The following CDC73 variants were observed in gnomAD, a reference collection of about 807,000 sequenced individuals.
CDC73 encodes the protein cell division cycle 73.
A neutral mutation model predicts 83.7 loss-of-function variants in CDC73; 21 were observed. The observed-to-expected ratio is 0.25, with a 90% CI of 0.18 to 0.36. The LOEUF (loss-of-function observed/expected upper bound fraction) is 0.36, where lower values mean the gene tolerates loss of function less well. Among genes scored for constraint, CDC73 ranks in the 10% least tolerant of loss-of-function variants. The pLI is 1.00. For synonymous variants in CDC73, 224 were observed against 212.9 expected (o/e 1.05, Z -0.45); for missense variants, 342 against 653.3 (o/e 0.52, Z 5.19).
chr1:193,188,628 CCCCTTTCT>C (rs1676864564), intron 10 of CDC73, among the ~76,000 whole-genome samples: 1 of 152,034 alleles, frequency 6.6e-6, no homozygotes. Context: ...ACATTCCCTA[CCCCTTTCT>C]CCAGGAAAGG....
At chr1:193,173,862 TGATAAATACCA>T (rs1367748231) in intron 10 of CDC73, among the ~76,000 whole-genome samples, 1 of 152,186 alleles carries the variant, frequency 6.6e-6, no homozygotes, top group Non-Finnish European at 1.5e-5. Context: ...GTGGCAAATT[TGATAAATACCA>T]GATTTTAGAA....
chr1:193,171,668 C>T (rs535767337), intron 10 of CDC73, among the ~76,000 whole-genome samples: 5 of 152,216 alleles, frequency 3.3e-5, no homozygotes, highest in Admixed American at 3.3e-4. Context: ...CTCCCTTCCT[C>T]TTAAGGGTCC....
At chr1:193,124,353 T>A (rs975717303) in intron 1 of CDC73, among the ~76,000 whole-genome samples, 1 of 152,022 alleles carries the variant, frequency 6.6e-6, no homozygotes, top group Non-Finnish European at 1.5e-5. Context: ...TTGGGTTTCA[T>A]AGTACAATAA....
At chr1:193,131,885 C>T (rs1033517332) in intron 3 of CDC73, among the ~76,000 whole-genome samples, 1 of 152,124 alleles carries the variant, frequency 6.6e-6, no homozygotes, top group African/African-American at 2.4e-5. Context: ...ATAGTGCCAT[C>T]CTGATTTATT....
intron 10 of CDC73, among the ~76,000 whole-genome samples, chr1:193,202,607 A>G (rs1229395853): frequency 1.4e-5 from 2 of 141,862 alleles, no homozygotes; most frequent in Admixed American, 1.5e-4. Flanking sequence ...TGCTGTCCTC[A>G]GGTGTCTTTT....
intron 5 of CDC73, among the ~76,000 whole-genome samples, chr1:193,137,613 A>G (rs536082152): frequency 6.6e-6 from 1 of 152,292 alleles, no homozygotes; most frequent in South Asian, 2.1e-4. Flanking sequence ...CGTTCTAATG[A>G]CCATCCTTTG....
chr1:193,127,092 A>G (rs1026286886), intron 2 of CDC73, among the ~76,000 whole-genome samples: 1 of 151,986 alleles, frequency 6.6e-6, no homozygotes, highest in Non-Finnish European at 1.5e-5. Flanking sequence ...AACATAGGGA[A>G]ACTTTGTTAA....
intron 13 of CDC73, among the ~76,000 whole-genome samples, chr1:193,218,764 A>G (rs931034400): frequency 2.0e-5 from 3 of 152,202 alleles, no homozygotes; most frequent in South Asian, 4.2e-4. Flanking sequence ...TCAACTCAAG[A>G]TGGATTAAAA....
At chr1:193,159,998 T>C (rs1357454510) in intron 10 of CDC73, among the ~76,000 whole-genome samples, 2 of 152,164 alleles carry the variant, frequency 1.3e-5, no homozygotes, top group Non-Finnish European at 2.9e-5. Context: ...ATAAAGCGAA[T>C]ATTATTTTTA....
At chr1:193,250,206 A>G (rs1158080921) in intron 16 of CDC73, among the ~76,000 whole-genome samples, 1 of 151,802 alleles carries the variant, frequency 6.6e-6, no homozygotes, top group East Asian at 1.9e-4. Context: ...GTTTTTTGCA[A>G]GTACTGAAAG....
chr1:193,155,667 C>T (rs1290145885), intron 10 of CDC73, among the ~76,000 whole-genome samples: 3 of 152,094 alleles, frequency 2.0e-5, no homozygotes, highest in African/African-American at 7.2e-5. Context: ...ATCCCAGCTA[C>T]TCCCGAGGCT....
chr1:193,234,862 A>AT lies in CDC73; in HGVS notation c.1317-1388dup, dbSNP rs1677730183. Among the ~76,000 whole-genome samples the AT allele has an allele frequency of 5.9e-5, 9 of 151,866 alleles. 1 individual carries two copies. Among genetic ancestry groups the AT allele is most frequent in the African/African-American group, 2.2e-4 (9 of 41,404 alleles). ...AGGCATGTATCCCATGAAAGGGGAA[A>AT]TTTTTTAACTTAAGATTTAATTTTA... is the stretch of plus-strand genomic sequence containing the variant. On this transcript the variant is annotated intron_variant, in intron 14 of 16. Transcript: ENST00000367435.
chr1:193,239,121 A>G (rs917297858), intron 15 of CDC73, among the ~76,000 whole-genome samples: 10 of 152,314 alleles, frequency 6.6e-5, no homozygotes, highest in African/African-American at 2.2e-4. Context: ...CTCACTCACT[A>G]TGAGATAACT....
intron 13 of CDC73, among the ~76,000 whole-genome samples, chr1:193,227,001 AT>A (rs1377922112): frequency 6.6e-6 from 1 of 151,776 alleles, no homozygotes; most frequent in Non-Finnish European, 1.5e-5. Flanking sequence ...GCTGCTTGTT[AT>A]TGGTCTGTTT....
chr1:193,219,656 A>T (rs1043140059), intron 13 of CDC73, among the ~76,000 whole-genome samples: 3 of 152,166 alleles, frequency 2.0e-5, no homozygotes, highest in Non-Finnish European at 4.4e-5. Context: ...CAAATACCAC[A>T]TGTTCTACGT....
rs987778848 is a variant in CDC73 at position 193,129,485 on chromosome 1, G to T, written c.238-689G>T. Among the ~76,000 whole-genome samples the T allele has an allele frequency of 1.3e-4, 8 of 60,646 alleles. No homozygotes were observed. In the East Asian group the frequency reaches 1.5e-3, roughly 11 times the overall value. 39.8% of individuals were successfully genotyped at this position (60,646 alleles called of 152,430 possible). On this transcript the variant is annotated intron_variant, in intron 2 of 16. Coordinates refer to ENST00000367435, the MANE Select transcript of CDC73 (RefSeq NM_024529.5). Reference sequence around the variant, plus strand: ...GTATATCTTCCTGGAATTTCAAAAAGAAATTTATTTATTTATTTATTTATT... The same window carrying T: ...GTATATCTTCCTGGAATTTCAAAAATAAATTTATTTATTTATTTATTTATT...
At chr1:193,228,317 A>G (rs1352546862) in intron 13 of CDC73, among the ~76,000 whole-genome samples, 3 of 152,142 alleles carry the variant, frequency 2.0e-5, no homozygotes, top group African/African-American at 7.2e-5. Flanking sequence ...AGATGGTACT[A>G]TATATGTTGA....
At chr1:193,154,074 T>G (rs961639418) in intron 10 of CDC73, among the ~76,000 whole-genome samples, 3 of 152,168 alleles carry the variant, frequency 2.0e-5, no homozygotes, top group Non-Finnish European at 4.4e-5. Context: ...TGGCTGAAGA[T>G]TTAGTTTAAA....
chr1:193,139,612 CAT>C (rs1271212756), intron 6 of CDC73, among the ~76,000 whole-genome samples: 2 of 152,164 alleles, frequency 1.3e-5, no homozygotes, highest in Admixed American at 1.3e-4. Flanking sequence ...TATTACATAT[CAT>C]GTGATCTTTG....
Sources: gnomAD v4.1 joint callset for allele counts (sites outside exome capture counted in the v4.1 genomes callset) on GRCh38, gnomAD v4.1.1 for gene constraint, MANE v1.5 for transcripts, NCBI Gene and HGNC (gene_info 2026-07-23, HGNC 2026-07-21) for gene names.